The following EXOC4 variants were observed in gnomAD, a reference collection of about 807,000 sequenced individuals.
EXOC4 encodes the protein SEC8-like 1.
In EXOC4, 71 loss-of-function variants were observed where a neutral mutation model predicts 107.2. The observed-to-expected ratio is 0.66, with a 90% CI of 0.55 to 0.81. The LOEUF (loss-of-function observed/expected upper bound fraction) is 0.81, where lower values mean the gene tolerates loss of function less well. EXOC4 is among the 30% of genes least tolerant of loss of function. EXOC4 has a pLI of 0.00. For synonymous variants in EXOC4, 456 were observed against 441.2 expected (o/e 1.03, Z -0.42); for missense variants, 1,108 against 1,189.6 (o/e 0.93, Z 1.01).
At chr7:133,775,982 G>A (rs982727551) in intron 10 of EXOC4, among the ~76,000 whole-genome samples, 2 of 152,110 alleles carry the variant, frequency 1.3e-5, no homozygotes, top group African/African-American at 4.8e-5. Context: ...TTTACTTATA[G>A]TCTTAATAGA....
chr7:133,577,061 T>C (rs528616222), intron 9 of EXOC4, among the ~76,000 whole-genome samples: 4 of 152,148 alleles, frequency 2.6e-5, no homozygotes, highest in African/African-American at 9.7e-5. Context: ...AGCTTCAACA[T>C]AGCAGTCTTT....
chr7:133,721,635 A>G (rs1409071346), intron 10 of EXOC4, among the ~76,000 whole-genome samples: 1 of 152,186 alleles, frequency 6.6e-6, no homozygotes, highest in Non-Finnish European at 1.5e-5. Context: ...ATGACTTCCT[A>G]ATAAATCAGG....
chr7:133,583,266 GTTC>G lies in EXOC4; in HGVS notation c.1418-46774_1418-46772del. Among the ~76,000 whole-genome samples, 4 of 152,188 alleles carry G rather than the reference GTTC, an allele frequency of 2.6e-5. No individual in the cohort carries two copies. The Middle Eastern group carries it at 0.014, about 518-fold the overall frequency. On this transcript the variant is annotated intron_variant, in intron 9 of 17. Transcript: ENST00000253861. The stretch of plus-strand genomic sequence containing the variant: ...AAACACTAGTCCTACACTCTAGCTT[GTTC>G]TTCTCACTTCCTTAATATTACTCCG...
chr7:133,545,253 T>C (rs975670114), intron 9 of EXOC4, among the ~76,000 whole-genome samples: 3 of 152,192 alleles, frequency 2.0e-5, no homozygotes, highest in Admixed American at 6.5e-5. Flanking sequence ...ATCCTACCTC[T>C]GGGAATCATA....
chr7:133,388,737 A>G (rs372819659), intron 7 of EXOC4, among the ~76,000 whole-genome samples: 1 of 152,160 alleles, frequency 6.6e-6, no homozygotes, highest in East Asian at 1.9e-4. Context: ...AAATATTATA[A>G]TTATTTTTTA....
the EXOC4 span, among the ~76,000 whole-genome samples, chr7:134,095,278 C>G: frequency 6.6e-6 from 1 of 152,000 alleles, no homozygotes; most frequent in Non-Finnish European, 1.5e-5. Flanking sequence ...TGAAAGATCT[C>G]TACAAGGAGA....
At chr7:134,079,659 A>G in the EXOC4 span, among the ~76,000 whole-genome samples, 5 of 152,292 alleles carry the variant, frequency 3.3e-5, no homozygotes, top group African/African-American at 9.6e-5. Flanking sequence ...CGGTTGGGCT[A>G]TCCTGTCCCT....
intron 10 of EXOC4, among the ~76,000 whole-genome samples, chr7:133,723,698 T>C (rs1197924991): frequency 6.6e-6 from 1 of 152,056 alleles, no homozygotes; most frequent in Non-Finnish European, 1.5e-5. Context: ...ACTATGTTGG[T>C]TGGGCTGTAC....
chr7:134,052,882 T>C (rs916678869), intron 17 of EXOC4, among the ~76,000 whole-genome samples: 1 of 152,186 alleles, frequency 6.6e-6, no homozygotes, highest in African/African-American at 2.4e-5. Flanking sequence ...TAGCGACCAT[T>C]ATCCTGACCA....
chr7:133,565,983 T>C lies in EXOC4; in HGVS notation c.1418-64062T>C, dbSNP rs140827429. Among the ~76,000 whole-genome samples the C allele has an allele frequency of 1.7e-3, 266 of 152,304 alleles. 1 individual carries two copies. Among genetic ancestry groups the C allele is most frequent in the African/African-American group, 6.0e-3 (249 of 41,560 alleles). On this transcript the variant is annotated intron_variant, in intron 9 of 17. Transcript: ENST00000253861. Reference sequence around the variant, plus strand: ...GTATACCCAAGATACAAGGCAACAATGTTAGTGTCTAAATAGTTGCACTTT... The same window carrying C: ...GTATACCCAAGATACAAGGCAACAACGTTAGTGTCTAAATAGTTGCACTTT...
At chr7:134,091,603 A>G in the EXOC4 span, among the ~76,000 whole-genome samples, 1 of 152,202 alleles carries the variant, frequency 6.6e-6, no homozygotes, top group African/African-American at 2.4e-5. Flanking sequence ...CTTATTCAAG[A>G]TGGAGTTGCT....
chr7:133,895,750 A>AG lies in EXOC4; in HGVS notation c.1871+19dup, dbSNP rs758727817. On this transcript the variant is annotated intron_variant, in intron 12 of 17. Transcript: ENST00000253861. ...GCAGCTTACAGGTAGAGCTTCTGTT[A>AG]GGGGCTAAGCAAAGTAACGTTTGAG... is the stretch of plus-strand genomic sequence containing the variant. The AG allele has an allele frequency of 6.2e-7, 1 of 1,611,484 alleles. No homozygotes were observed. The highest frequency in any genetic ancestry group is 1.3e-5 in the African/African-American group (1 of 74,996).
At chr7:133,383,414 C>G (rs768313354) in intron 7 of EXOC4, among the ~76,000 whole-genome samples, 1 of 152,146 alleles carries the variant, frequency 6.6e-6, no homozygotes, top group Admixed American at 6.6e-5. Context: ...AGCAGTGACA[C>G]CTAGAACAAG....
At chr7:133,803,776 G>A (rs1797004263) in intron 10 of EXOC4, among the ~76,000 whole-genome samples, 1 of 152,052 alleles carries the variant, frequency 6.6e-6, no homozygotes, top group Admixed American at 6.6e-5. Context: ...TAGCCTTACA[G>A]GGGATATGAA....
chr7:133,997,536 C>T lies in EXOC4; in HGVS notation c.2251C>T (p.Pro751Ser), dbSNP rs369110502. 5.0e-5 allele frequency: 81 copies of T among 1,613,646 alleles called. No homozygotes were observed. Among genetic ancestry groups the T allele is most frequent in the Non-Finnish European group, 6.5e-5 (77 of 1,179,810 alleles). ...CAGCCACACGAACACGGATCTCCCC[C>T]CAGTGTCAGAGCAGATCATGCAGAC... The part of the protein sequence containing the change: ...QDSHTNTDLP[P>S]VSEQIMQTLS... The change falls in exon 15 of 18, where the codon CCA (proline) becomes TCA (serine). Residue 751 changes from proline to serine, a missense_variant. Physicochemically the swap from Pro to Ser is moderately conservative, Grantham distance 74. Coordinates refer to ENST00000253861, the MANE Select transcript of EXOC4 (RefSeq NM_021807.4).
downstream of EXOC4, among the ~76,000 whole-genome samples, chr7:134,069,346 CTCCTTCTCCTTCT>C (rs1365313776): frequency 2.2e-5 from 3 of 138,160 alleles, no homozygotes; most frequent in East Asian, 5.0e-4. Context: ...CCTTCTCCTC[CTCCTTCTCCTTCT>C]TCCTCCTCCC....
At chr7:133,457,902 T>C (rs1192780600) in intron 7 of EXOC4, among the ~76,000 whole-genome samples, 1 of 152,192 alleles carries the variant, frequency 6.6e-6, no homozygotes, top group Non-Finnish European at 1.5e-5. Context: ...ATGCTAACAA[T>C]GTATGCTTTT....
chr7:133,781,297 T>A (rs1473281256), intron 10 of EXOC4, among the ~76,000 whole-genome samples: 1 of 152,214 alleles, frequency 6.6e-6, no homozygotes, highest in Non-Finnish European at 1.5e-5. Flanking sequence ...AAACTCAAGA[T>A]CAGACCAGAT....
At chr7:133,570,133 A>G (rs986489827) in intron 9 of EXOC4, among the ~76,000 whole-genome samples, 8 of 152,198 alleles carry the variant, frequency 5.3e-5, no homozygotes, top group African/African-American at 1.9e-4. Context: ...AGCAGTGTCA[A>G]TATATAATGT....
Sources: allele counts gnomAD v4.1 joint callset (sites outside exome capture counted in the v4.1 genomes callset), GRCh38; gene constraint gnomAD v4.1.1; transcripts MANE v1.5; gene names NCBI Gene and HGNC (gene_info 2026-07-23, HGNC 2026-07-21).